GPATCH2: variants seen among roughly 807,000 people sequenced by gnomAD.
GPATCH2 encodes the protein G patch domain-containing protein 2.
Under a neutral mutation model 58.0 loss-of-function variants are expected in GPATCH2, and 51 were observed. That is an observed-to-expected ratio of 0.88 (90% CI 0.70 to 1.11). GPATCH2 has a LOEUF of 1.11. GPATCH2 is among the 50% of genes most tolerant of loss of function. The probability of loss-of-function intolerance (pLI) is 0.00; values close to 1 mark genes in which losing one functional copy is unlikely to be tolerated. For synonymous variants in GPATCH2, 222 were observed against 218.5 expected (o/e 1.02, Z -0.14); for missense variants, 625 against 652.2 (o/e 0.96, Z 0.45).
intron 5 of GPATCH2, among the ~76,000 whole-genome samples, chr1:217,536,704 G>T (rs1454956947): frequency 6.6e-6 from 1 of 152,196 alleles, no homozygotes; most frequent in Non-Finnish European, 1.5e-5. Context: ...GCCAGGCGCG[G>T]TGGCTCATGC....
chr1:217,630,814 T>A lies in GPATCH2; in HGVS notation c.56+102A>T, dbSNP rs569259589. The A allele has an allele frequency of 7.2e-4, 585 of 807,066 alleles. 4 individuals are homozygous for A. In the African/African-American group the frequency reaches 9.2e-3, roughly 13 times the overall value. 50.0% of individuals were successfully genotyped at this position (807,066 alleles called of 1,614,324 possible). On this transcript the variant is annotated intron_variant, in intron 1 of 9. Transcript: ENST00000366935. Reference sequence around the variant, plus strand: ...GCAAGGCCTAGATGTCTTCAGATCATCCATCACAGCTCCCTCCCGCCTCCA... The same window carrying A: ...GCAAGGCCTAGATGTCTTCAGATCAACCATCACAGCTCCCTCCCGCCTCCA...
chr1:217,543,068 C>T (rs1337465206), intron 5 of GPATCH2, among the ~76,000 whole-genome samples: 1 of 152,184 alleles, frequency 6.6e-6, no homozygotes, highest in African/African-American at 2.4e-5. Context: ...GTTTTACCTA[C>T]ATCAGTCCAC....
intron 5 of GPATCH2, among the ~76,000 whole-genome samples, chr1:217,542,102 C>T (rs1436475533): frequency 2.0e-5 from 3 of 152,106 alleles, no homozygotes; most frequent in Non-Finnish European, 4.4e-5. Context: ...TCAAAAGGGT[C>T]GAGATTATAC....
At chr1:217,607,024 GTGTGGATTCACAAAGGTCTGACT>G (rs1471721930) in intron 5 of GPATCH2, among the ~76,000 whole-genome samples, 9 of 152,148 alleles carry the variant, frequency 5.9e-5, no homozygotes, top group South Asian at 4.1e-4. Context: ...AAGAATCAGA[GTGTGGATTCACAAAGGTCTGACT>G]TCAAAATCTA....
At chr1:217,588,881 C>T (rs1024105729) in intron 5 of GPATCH2, among the ~76,000 whole-genome samples, 10 of 152,132 alleles carry the variant, frequency 6.6e-5, no homozygotes, top group African/African-American at 2.4e-4. Flanking sequence ...CCACTATGAA[C>T]ACATAAAACA....
At chr1:217,477,589 A>C (rs1032527058) in intron 8 of GPATCH2, among the ~76,000 whole-genome samples, 1 of 151,692 alleles carries the variant, frequency 6.6e-6, no homozygotes, top group Non-Finnish European at 1.5e-5. Flanking sequence ...GTCTGGCAGT[A>C]CTCCCCATGG....
At chr1:217,470,953 T>C (rs576969267) in intron 8 of GPATCH2, among the ~76,000 whole-genome samples, 54 of 152,180 alleles carry the variant, frequency 3.5e-4, no homozygotes, top group African/African-American at 1.1e-3. Context: ...AAAACTAAGA[T>C]ATTTTTCTAT....
chr1:217,462,884 G>C (rs1389689225), intron 8 of GPATCH2, among the ~76,000 whole-genome samples: 1 of 152,100 alleles, frequency 6.6e-6, no homozygotes, highest in Admixed American at 6.6e-5. Flanking sequence ...TAACAACTTG[G>C]GTGAACCTGG....
rs114341803 is a variant in GPATCH2, at chr1:217,458,819, T to C, written c.1278-9482A>G. ...CCTCTTTGAACTTTCCTAACCTTGC[T>C]ACTCTTCCAAGTGTTTTTCTCCGTA... On this transcript the variant is annotated intron_variant, in intron 8 of 9. Transcript: ENST00000366935. Among the ~76,000 whole-genome samples, 1,468 of 152,332 alleles carry C rather than the reference T, an allele frequency of 9.6e-3. 11 individuals are homozygous for C. Among genetic ancestry groups the C allele is most frequent in the Middle Eastern group, 0.048 (14 of 294 alleles).
At chr1:217,545,271 A>T (rs1184513730) in intron 5 of GPATCH2, among the ~76,000 whole-genome samples, 2 of 152,196 alleles carry the variant, frequency 1.3e-5, no homozygotes, top group African/African-American at 4.8e-5. Context: ...GTGAGTGGAG[A>T]GCGACAGTGA....
chr1:217,433,079 C>T (rs980064483), intron 9 of GPATCH2, among the ~76,000 whole-genome samples: 2 of 152,024 alleles, frequency 1.3e-5, no homozygotes, highest in African/African-American at 4.8e-5. Context: ...CCTCACCCTG[C>T]CCCTATCCCT....
intron 5 of GPATCH2, among the ~76,000 whole-genome samples, chr1:217,542,979 T>C (rs1414232775): frequency 1.3e-5 from 2 of 152,170 alleles, no homozygotes; most frequent in Non-Finnish European, 2.9e-5. Context: ...CTTAAGATGC[T>C]GGTGCAGGTG....
chr1:217,483,409 T>G (rs755841309), intron 8 of GPATCH2, among the ~76,000 whole-genome samples: 1 of 152,174 alleles, frequency 6.6e-6, no homozygotes, highest in Non-Finnish European at 1.5e-5. Context: ...GGCCTTGAGC[T>G]TTAGAGCTCA....
At chr1:217,472,828 T>A (rs1660789481) in intron 8 of GPATCH2, among the ~76,000 whole-genome samples, 2 of 152,202 alleles carry the variant, frequency 1.3e-5, no homozygotes, top group South Asian at 4.1e-4. Flanking sequence ...TTTTCTCACC[T>A]GTAGTGCTCA....
chr1:217,479,920 G>C (rs531901517), intron 8 of GPATCH2, among the ~76,000 whole-genome samples: 1 of 152,162 alleles, frequency 6.6e-6, no homozygotes, highest in South Asian at 2.1e-4. Flanking sequence ...AGAAAAAGAA[G>C]ATTACGTAAT....
chr1:217,512,645 A>AG (rs1662911483), intron 6 of GPATCH2, among the ~76,000 whole-genome samples: 1 of 152,238 alleles, frequency 6.6e-6, no homozygotes. Context: ...GGAGGCCAGC[A>AG]GCATTTGCTG....
At chr1:217,441,233 C>T (rs1461959122) in intron 9 of GPATCH2, among the ~76,000 whole-genome samples, 1 of 152,120 alleles carries the variant, frequency 6.6e-6, no homozygotes, top group South Asian at 2.1e-4. Flanking sequence ...TTTGACAAAC[C>T]TGAGAAAAAC....
At chr1:217,499,775 G>A (rs538259899) in intron 6 of GPATCH2, among the ~76,000 whole-genome samples, 212 of 148,014 alleles carry the variant, frequency 1.4e-3, no homozygotes, top group African/African-American at 5.2e-3. Flanking sequence ...TTTCTTAAAC[G>A]CATTCGCACA....
In GPATCH2 at chr1:217,463,984, G is replaced by A. The variant is rs185581681; in HGVS notation, c.1278-14647C>T. On this transcript the variant is annotated intron_variant, in intron 8 of 9. Transcript: ENST00000366935. ...TACTCAGAATAAAAGGCACTTAATG[G>A]TGTGTGAAGGACTGCATGAAACATC... Among the ~76,000 whole-genome samples, 326 of 152,208 alleles carry A rather than the reference G, an allele frequency of 2.1e-3. 3 individuals are homozygous for A. Among genetic ancestry groups the A allele is most frequent in the African/African-American group, 7.1e-3 (297 of 41,544 alleles).
Sources: allele counts gnomAD v4.1 joint callset (sites outside exome capture counted in the v4.1 genomes callset), GRCh38; gene constraint gnomAD v4.1.1; transcripts MANE v1.5; gene names NCBI Gene and HGNC (gene_info 2026-07-23, HGNC 2026-07-21).